DISC1: variants seen among roughly 807,000 people sequenced by gnomAD.
The protein encoded by DISC1 is DISC1 scaffold protein.
A neutral mutation model predicts 84.5 loss-of-function variants in DISC1; 57 were observed. The ratio of observed to expected loss-of-function variants is 0.67; its 90% CI spans 0.55 to 0.84. The LOEUF is 0.84. DISC1 is among the 40% of genes least tolerant of loss of function. DISC1 has a pLI of 0.00. For synonymous variants in DISC1, 411 were observed against 415.2 expected, an observed-to-expected ratio of 0.99 and a Z score of 0.12; for missense variants, 1,000 against 1,057.8, an observed-to-expected ratio of 0.95 and a Z score of 0.76.
At chr1:231,778,679 G>A (rs1483469381) in intron 6 of DISC1, among the ~76,000 whole-genome samples, 3 of 152,166 alleles carry the variant, frequency 2.0e-5, no homozygotes, top group Non-Finnish European at 4.4e-5. Flanking sequence ...TGGTAAAGGA[G>A]GAAGAGGATT....
At chr1:231,770,732 C>A (rs2076494653) in intron 5 of DISC1, 103 bp from the exon 6 acceptor site, 1 of 1,542,290 alleles carries the variant, frequency 6.5e-7, no homozygotes. Flanking sequence ...TTTTGTAGTT[C>A]TGGTGCATAT....
intron 10 of DISC1, among the ~76,000 whole-genome samples, chr1:231,967,891 A>C (rs908927769): frequency 6.6e-6 from 1 of 152,218 alleles, no homozygotes; most frequent in Non-Finnish European, 1.5e-5. Flanking sequence ...AATGGCGTGA[A>C]TTAAAAAGAG....
chr1:231,782,527 A>G (rs200277175), intron 6 of DISC1, among the ~76,000 whole-genome samples: 12 of 152,252 alleles, frequency 7.9e-5, no homozygotes, highest in Admixed American at 1.3e-4. Context: ...TTCAGAAAAG[A>G]AGAATAAACC....
intron 4 of DISC1, among the ~76,000 whole-genome samples, chr1:231,759,309 G>A (rs888791980): frequency 1.3e-5 from 2 of 152,088 alleles, no homozygotes; most frequent in African/African-American, 4.8e-5. Context: ...TTGGAATCAA[G>A]ATACACTGTA....
At chr1:231,705,263 G>A (rs1453694148) in intron 3 of DISC1, among the ~76,000 whole-genome samples, 37 of 139,436 alleles carry the variant, frequency 2.7e-4, no homozygotes, top group Non-Finnish European at 6.1e-5. Flanking sequence ...ACTCCAGCCC[G>A]GGCAACAGTG....
chr1:231,644,293 A>T (rs376968226), intron 1 of DISC1, among the ~76,000 whole-genome samples: 1 of 152,300 alleles, frequency 6.6e-6, no homozygotes, highest in East Asian at 1.9e-4. Context: ...TTCAGAATGG[A>T]CATTTGTTAA....
intron 9 of DISC1, among the ~76,000 whole-genome samples, chr1:231,842,707 G>T (rs146173386): frequency 6.6e-6 from 1 of 152,234 alleles, no homozygotes; most frequent in Non-Finnish European, 1.5e-5. Flanking sequence ...ACATGAGATG[G>T]GGTGGCTGTT....
At chr1:231,738,546 G>A (rs939790303) in intron 3 of DISC1, among the ~76,000 whole-genome samples, 1 of 152,082 alleles carries the variant, frequency 6.6e-6, no homozygotes. Flanking sequence ...ATGATACTGT[G>A]CGTTCACATC....
chr1:231,668,795 T>A (rs2062276190), intron 1 of DISC1, among the ~76,000 whole-genome samples: 1 of 152,214 alleles, frequency 6.6e-6, no homozygotes, highest in Non-Finnish European at 1.5e-5. Context: ...GGTTTGAGAC[T>A]GGCTGGTGTT....
At chr1:231,852,702 T>C (rs1438397543) in intron 9 of DISC1, among the ~76,000 whole-genome samples, 2 of 152,236 alleles carry the variant, frequency 1.3e-5, no homozygotes, top group Non-Finnish European at 2.9e-5. Flanking sequence ...CTGGCATTGT[T>C]ATCAAGGGCT....
rs1023896835 is a variant in DISC1, at chr1:231,887,715, G to A, written c.1981+69198G>A. 8.1e-4 allele frequency among the ~76,000 whole-genome samples: 123 copies of A among 152,302 alleles called. 1 individual carries two copies. The highest frequency in any genetic ancestry group is 2.8e-3 in the African/African-American group (115 of 41,570). ...GTAAGTTATCACTCCAGAAATGAAC[G>A]TAACTGAATTTGCTGAGGATTTAAA... On this transcript the variant is annotated intron_variant, in intron 9 of 12. Coordinates refer to ENST00000439617, the MANE Select transcript of DISC1 (RefSeq NM_018662.3).
intron 9 of DISC1, among the ~76,000 whole-genome samples, chr1:231,953,717 A>T (rs1658894039): frequency 6.6e-6 from 1 of 152,206 alleles, no homozygotes; most frequent in South Asian, 2.1e-4. Context: ...CTTGGTACTT[A>T]ATGTTAATTT....
intron 9 of DISC1, among the ~76,000 whole-genome samples, chr1:231,847,083 C>T (rs548663982): frequency 2.0e-5 from 3 of 152,256 alleles, no homozygotes; most frequent in Non-Finnish European, 4.4e-5. Context: ...GTGGCTTGGA[C>T]AACAGATGTT....
At chr1:231,705,685 T>C (rs970656160) in intron 3 of DISC1, among the ~76,000 whole-genome samples, 4 of 152,208 alleles carry the variant, frequency 2.6e-5, no homozygotes, top group Admixed American at 6.5e-5. Context: ...GAATTTGTTA[T>C]GAGATTTGTT....
chr1:231,972,913 C>G (rs1390995279), intron 10 of DISC1, among the ~76,000 whole-genome samples: 1 of 152,202 alleles, frequency 6.6e-6, no homozygotes, highest in African/African-American at 2.4e-5. Flanking sequence ...CACGGGCCCT[C>G]TGTGAAACCC....
At chr1:231,982,972 G>A (rs1359116833) in intron 10 of DISC1, among the ~76,000 whole-genome samples, 1 of 152,144 alleles carries the variant, frequency 6.6e-6, no homozygotes, top group African/African-American at 2.4e-5. Flanking sequence ...TCACCAGTAG[G>A]AAGTAAAGAC....
At chr1:231,723,435 G>C (rs11122324) in intron 3 of DISC1, 4 of 985,262 alleles carry the variant, frequency 4.1e-6, no homozygotes, top group African/African-American at 3.5e-5. Flanking sequence ...AGGTGCACTG[G>C]CTACGACCTT....
At chr1:232,021,159 C>T (rs1267306056) in intron 11 of DISC1, among the ~76,000 whole-genome samples, 2 of 152,152 alleles carry the variant, frequency 1.3e-5, no homozygotes, top group African/African-American at 2.4e-5. Context: ...TCTTACCTGC[C>T]TCTCATGATT....
At chr1:231,893,324 A>C (rs1187292836) in intron 9 of DISC1, among the ~76,000 whole-genome samples, 2 of 152,220 alleles carry the variant, frequency 1.3e-5, no homozygotes, top group Non-Finnish European at 2.9e-5. Flanking sequence ...CGGTTAATAA[A>C]ATTCGATAGT....
Sources: gnomAD v4.1 joint callset for allele counts (sites outside exome capture counted in the v4.1 genomes callset) on GRCh38, gnomAD v4.1.1 for gene constraint, MANE v1.5 for transcripts, NCBI Gene and HGNC (gene_info 2026-07-23, HGNC 2026-07-21) for gene names.